The following NOL4 variants were observed in gnomAD, a reference collection of about 807,000 sequenced individuals.
The protein encoded by NOL4 is nucleolar protein 4.
Under a neutral mutation model 75.9 loss-of-function variants are expected in NOL4, and 17 were observed. That is an observed-to-expected ratio of 0.22 (90% CI 0.15 to 0.34). NOL4 has a LOEUF of 0.34. Ranked by LOEUF, NOL4 falls within the 10% of genes least tolerant of loss-of-function variation. The pLI is 1.00. For missense variants in NOL4, 614 were observed against 793.5 expected (o/e 0.77, Z 2.72); for synonymous variants, 292 against 289.9 (o/e 1.01, Z -0.07).
intron 5 of NOL4, 22 bp downstream of exon 5, chr18:34,093,443 T>C (rs201842790): frequency 1.3e-6 from 2 of 1,547,662 alleles, no homozygotes; most frequent in East Asian, 2.3e-5. Flanking sequence ...TTTTGCTTAT[T>C]TAGTCAAACT....
intron 9 of NOL4, among the ~76,000 whole-genome samples, 156 bp downstream of exon 9, chr18:33,942,909 C>T (rs1279349264): frequency 2.6e-5 from 4 of 151,928 alleles, no homozygotes; most frequent in African/African-American, 7.2e-5. Context: ...CATGAACACA[C>T]ATTTTCAAGT....
chr18:33,940,031 T>A (rs1240670122), intron 9 of NOL4, among the ~76,000 whole-genome samples: 2 of 152,062 alleles, frequency 1.3e-5, no homozygotes, highest in East Asian at 3.9e-4. Flanking sequence ...AGAATGGTGA[T>A]CATTAAGCAG....
chr18:33,888,624 G>T (rs932736785), intron 9 of NOL4, among the ~76,000 whole-genome samples: 3 of 152,090 alleles, frequency 2.0e-5, no homozygotes, highest in Non-Finnish European at 2.9e-5. Context: ...TCCAGTTTCA[G>T]CTTTCTACAG....
intron 6 of NOL4, among the ~76,000 whole-genome samples, chr18:33,969,407 A>C (rs980393390): frequency 6.6e-5 from 10 of 152,062 alleles, no homozygotes; most frequent in Non-Finnish European, 1.3e-4. Flanking sequence ...TGTGCTCTCA[A>C]TCTTGTATTA....
At chr18:33,930,090 T>C (rs2145399684) in intron 9 of NOL4, among the ~76,000 whole-genome samples, 1 of 152,224 alleles carries the variant, frequency 6.6e-6, no homozygotes, top group South Asian at 2.1e-4. Flanking sequence ...TTTAACCATG[T>C]TACTAAATAT....
chr18:33,976,688 T>C (rs781445841), intron 6 of NOL4, among the ~76,000 whole-genome samples: 2 of 152,204 alleles, frequency 1.3e-5, no homozygotes, highest in Non-Finnish European at 2.9e-5. Context: ...GATTTTACTA[T>C]ACTGTTATCT....
intron 6 of NOL4, among the ~76,000 whole-genome samples, chr18:33,981,761 A>G (rs531449960): frequency 2.6e-5 from 4 of 152,274 alleles, no homozygotes; most frequent in South Asian, 4.1e-4. Context: ...TAGAGGAAGC[A>G]TAAGTGGAGG....
At chr18:33,891,603 T>C (rs1198456202) in intron 9 of NOL4, among the ~76,000 whole-genome samples, 1 of 152,130 alleles carries the variant, frequency 6.6e-6, no homozygotes, top group Non-Finnish European at 1.5e-5. Context: ...AAATGGTGGC[T>C]CTTCTGAAAA....
chr18:34,087,827 G>A (rs2078316936), intron 5 of NOL4, among the ~76,000 whole-genome samples: 1 of 151,688 alleles, frequency 6.6e-6, no homozygotes, highest in South Asian at 2.1e-4. Flanking sequence ...GTGTCTTAGT[G>A]GGAGGCAAAG....
rs571334034 is a variant in NOL4 at position 33,956,146 on chromosome 18, G to A, written c.1428+1180C>T. 2.0e-5 allele frequency among the ~76,000 whole-genome samples: 3 copies of A among 152,098 alleles called. No homozygotes were observed. In the South Asian group the frequency reaches 6.2e-4, roughly 32 times the overall value. On this transcript the variant is annotated intron_variant, in intron 8 of 10. Transcript: ENST00000261592. ...TCTATTACTATGAATTTAAGATCAG[G>A]ACACCTTCTGGAACAATAAATATTC...
intron 9 of NOL4, among the ~76,000 whole-genome samples, chr18:33,937,764 G>A (rs2068165033): frequency 6.6e-6 from 1 of 151,996 alleles, no homozygotes; most frequent in African/African-American, 2.4e-5. Flanking sequence ...AGAATTTACA[G>A]CAAGAAAAAA....
intron 10 of NOL4, among the ~76,000 whole-genome samples, chr18:33,879,188 C>A (rs16965006): frequency 0.014 from 2,170 of 151,974 alleles, 52 homozygotes; most frequent in African/African-American, 0.049. Context: ...GTGTAAAAAC[C>A]AAACACATTA....
At chr18:34,171,343 T>G (rs1328101326) in intron 1 of NOL4, among the ~76,000 whole-genome samples, 1 of 152,168 alleles carries the variant, frequency 6.6e-6, no homozygotes, top group Non-Finnish European at 1.5e-5. Flanking sequence ...GGTAGTACAC[T>G]TTGTATAACC....
At chr18:34,006,898 G>C (rs1281353802) in intron 6 of NOL4, among the ~76,000 whole-genome samples, 2 of 151,958 alleles carry the variant, frequency 1.3e-5, no homozygotes, top group African/African-American at 4.8e-5. Context: ...ATTAATGTAT[G>C]ATGCTGTGTC....
At chr18:34,108,051 T>A (rs919258956) in intron 2 of NOL4, among the ~76,000 whole-genome samples, 5 of 152,142 alleles carry the variant, frequency 3.3e-5, no homozygotes, top group African/African-American at 1.2e-4. Flanking sequence ...CAACTTCAGC[T>A]TCACTTTGGA....
chr18:33,984,817 A>G (rs550871215), intron 6 of NOL4, among the ~76,000 whole-genome samples: 2 of 152,232 alleles, frequency 1.3e-5, no homozygotes, highest in South Asian at 4.1e-4. Flanking sequence ...CATTTGAAGT[A>G]AAACAATACA....
At chr18:33,966,796 C>G (rs148591241) in intron 6 of NOL4, among the ~76,000 whole-genome samples, 1 of 152,030 alleles carries the variant, frequency 6.6e-6, no homozygotes, top group Non-Finnish European at 1.5e-5. Flanking sequence ...TAAAAGACCT[C>G]TACAAAGAGA....
At chr18:34,198,421 A>G (rs1441056695) in intron 1 of NOL4, among the ~76,000 whole-genome samples, 2 of 151,788 alleles carry the variant, frequency 1.3e-5, no homozygotes, top group Non-Finnish European at 3.0e-5. Flanking sequence ...AATATTTTCT[A>G]ATTTCCATTT....
intron 5 of NOL4, among the ~76,000 whole-genome samples, chr18:34,047,056 T>A (rs1233518066): frequency 2.6e-5 from 4 of 152,112 alleles, no homozygotes; most frequent in African/African-American, 9.7e-5. Context: ...AAGCAAAGTA[T>A]AACCCTTCTA....
Sources: gnomAD v4.1 joint callset for allele counts (sites outside exome capture counted in the v4.1 genomes callset) on GRCh38, gnomAD v4.1.1 for gene constraint, MANE v1.5 for transcripts, NCBI Gene and HGNC (gene_info 2026-07-23, HGNC 2026-07-21) for gene names.